TBL1Y: variants seen among roughly 807,000 people sequenced by gnomAD.
TBL1Y encodes the protein transducin beta like 1 Y-linked.
Under a neutral mutation model 12.0 loss-of-function variants are expected in TBL1Y, and 15 were observed. That is an observed-to-expected ratio of 1.25 (90% CI 0.83 to 1.92). The LOEUF (loss-of-function observed/expected upper bound fraction) is 1.92, where lower values mean the gene tolerates loss of function less well. Ranked by LOEUF, TBL1Y falls within the 40% of genes most tolerant of loss-of-function variation. The probability of loss-of-function intolerance (pLI) is 0.00; values close to 1 mark genes in which losing one functional copy is unlikely to be tolerated. For missense variants in TBL1Y, 148 were observed against 116.7 expected, an observed-to-expected ratio of 1.27 and a Z score of -1.24; for synonymous variants, 53 against 42.6, an observed-to-expected ratio of 1.24 and a Z score of -0.95.
At chrY:7,070,932 T>G in intron 10 of TBL1Y, 71 bp downstream of exon 10, 3 of 353,598 alleles carry the variant, frequency 8.5e-6, no homozygotes, top group Non-Finnish European at 1.2e-5. Flanking sequence ...GCTGCAGTGA[T>G]GGAATGTGTG....
intron 3 of TBL1Y, among the ~76,000 whole-genome samples, chrY:6,979,649 TACAG>T (rs2012270986): frequency 3.0e-5 from 1 of 33,073 alleles, no homozygotes; most frequent in African/African-American, 1.2e-4. Context: ...GAAAGAAAGA[TACAG>T]AGAGAGAGAA....
intron 7 of TBL1Y, among the ~76,000 whole-genome samples, chrY:7,059,345 A>T: frequency 3.0e-5 from 1 of 33,178 alleles, no homozygotes; most frequent in Admixed American, 2.7e-4. Context: ...AATAGAATAG[A>T]TGAAAGAGTT....
chrY:7,018,459 T>A (rs2012565763), intron 4 of TBL1Y, among the ~76,000 whole-genome samples: 2 of 32,879 alleles, frequency 6.1e-5, no homozygotes, highest in Non-Finnish European at 1.5e-4. Flanking sequence ...AGGACAGCAT[T>A]GGAAAATGGA....
At chrY:6,926,469 T>C (rs2011825819) in intron 2 of TBL1Y, among the ~76,000 whole-genome samples, 1 of 34,105 alleles carries the variant, frequency 2.9e-5, no homozygotes. Context: ...AGCTTAAAGA[T>C]CAGGCATTGC....
intron 8 of TBL1Y, among the ~76,000 whole-genome samples, chrY:7,065,214 T>C: frequency 6.0e-5 from 2 of 33,432 alleles, no homozygotes; most frequent in Non-Finnish European, 1.5e-4. Context: ...CAGGTGTAGA[T>C]AATTGAATCA....
chrY:7,034,496 A>C, intron 6 of TBL1Y, among the ~76,000 whole-genome samples: 1 of 33,775 alleles, frequency 3.0e-5, no homozygotes, highest in South Asian at 6.7e-4. Context: ...TCTCATACAG[A>C]ACCAAAAAAG....
At chrY:7,032,225 G>A in intron 6 of TBL1Y, among the ~76,000 whole-genome samples, 2 of 32,721 alleles carry the variant, frequency 6.1e-5, no homozygotes, top group African/African-American at 2.4e-4. Flanking sequence ...GCTGAGGTGG[G>A]AGGATTGCTT....
intron 3 of TBL1Y, among the ~76,000 whole-genome samples, chrY:6,995,328 G>T: frequency 3.0e-5 from 1 of 32,945 alleles, no homozygotes; most frequent in African/African-American, 1.2e-4. Context: ...CCACCCTTCT[G>T]CCAATTCCCC....
Position 7,085,885 on chromosome Y carries a change from C to A in TBL1Y, c.1078-13C>A, listed in dbSNP as rs747754995. ...CTGATATATTTTTCAAGAGACTCTC[C>A]GCTCTGTTTCAGAACGAGGTCAATG... On this transcript the variant is annotated splice_polypyrimidine_tract_variant and intron_variant, in intron 14 of 18. Coordinates refer to ENST00000383032, the MANE Select transcript of TBL1Y (RefSeq NM_033284.2). 7 of 395,831 alleles carry A rather than the reference C, an allele frequency of 1.8e-5. No individual in the cohort carries two copies. The highest frequency in any genetic ancestry group is 1.5e-4 in the South Asian group (5 of 33,304).
At chrY:6,978,101 TTTGAA>T (rs2012256528) in intron 2 of TBL1Y, 107 bp from the exon 3 acceptor site, 1 of 33,977 alleles carries the variant, frequency 2.9e-5, no homozygotes. Context: ...AAGTTTGGTT[TTTGAA>T]TAGACATGTA....
intron 7 of TBL1Y, among the ~76,000 whole-genome samples, chrY:7,059,422 G>A: frequency 3.0e-5 from 1 of 32,909 alleles, no homozygotes; most frequent in South Asian, 7.1e-4. Flanking sequence ...TCTGGAGGGG[G>A]TGGCGCTTTC....
chrY:6,924,148 A>G lies in TBL1Y; in HGVS notation c.-266+11976A>G, dbSNP rs2124095251. On this transcript the variant is annotated intron_variant, in intron 2 of 18. Coordinates refer to ENST00000383032, the MANE Select transcript of TBL1Y (RefSeq NM_033284.2). ...AAATACTTTAATATAGTGATACCAT[A>G]TAAACTCATTTTAAGAACTGGAGAA... Among the ~76,000 whole-genome samples, 3 of 33,008 alleles carry G rather than the reference A, an allele frequency of 9.1e-5. No homozygotes were observed. In the East Asian group the frequency reaches 2.4e-3, roughly 27 times the overall value. The allele number at this position is 33,008 out of a possible 37,273, so 88.6% of individuals were successfully genotyped here.
intron 4 of TBL1Y, among the ~76,000 whole-genome samples, chrY:7,006,841 C>CA (rs2012490311): frequency 2.2e-3 from 68 of 30,371 alleles, no homozygotes; most frequent in South Asian, 6.5e-3. Context: ...TTTATGCAGC[C>CA]AAAAAAAAAC....
intron 2 of TBL1Y, among the ~76,000 whole-genome samples, chrY:6,948,672 C>CA (rs761403687): frequency 2.4e-3 from 20 of 8,397 alleles, no homozygotes; most frequent in East Asian, 0.023. Flanking sequence ...TTGACTCTGT[C>CA]AAAAAAAAAA....
intron 2 of TBL1Y, among the ~76,000 whole-genome samples, chrY:6,954,299 C>T: frequency 2.9e-5 from 1 of 34,198 alleles, no homozygotes; most frequent in South Asian, 6.5e-4. Context: ...GGCTGGCCTC[C>T]TTGAGCTGTG....
chrY:7,057,475 T>G (rs1603045007), intron 7 of TBL1Y, among the ~76,000 whole-genome samples: 1 of 32,959 alleles, frequency 3.0e-5, no homozygotes, highest in African/African-American at 1.2e-4. Context: ...AAGGGAGGTT[T>G]TAGTAAGTGC....
intron 8 of TBL1Y, among the ~76,000 whole-genome samples, chrY:7,068,461 T>G: frequency 3.0e-5 from 1 of 32,911 alleles, no homozygotes; most frequent in Non-Finnish European, 7.5e-5. Flanking sequence ...CACTGACCAC[T>G]GCTCCAGATG....
chrY:7,008,793 A>G, intron 4 of TBL1Y, among the ~76,000 whole-genome samples: 1 of 33,426 alleles, frequency 3.0e-5, no homozygotes, highest in African/African-American at 1.2e-4. Context: ...TAGCGAGGTC[A>G]ATAATACCTG....
chrY:6,926,808 G>A (rs2124096802), intron 2 of TBL1Y, among the ~76,000 whole-genome samples: 4 of 33,076 alleles, frequency 1.2e-4, no homozygotes, highest in Admixed American at 5.5e-4. Flanking sequence ...TCACCATGTT[G>A]GCAAGGTTGG....
Sources: gnomAD v4.1 joint callset for allele counts (sites outside exome capture counted in the v4.1 genomes callset) on GRCh38, gnomAD v4.1.1 for gene constraint, MANE v1.5 for transcripts, NCBI Gene and HGNC (gene_info 2026-07-23, HGNC 2026-07-21) for gene names.